CTNNAL1: variants seen among roughly 807,000 people sequenced by gnomAD.
CTNNAL1 encodes the protein alpha-catulin.
In CTNNAL1, 69 loss-of-function variants were observed where a neutral mutation model predicts 93.6. That is an observed-to-expected ratio of 0.74 (90% CI 0.61 to 0.90). The LOEUF is 0.90. CTNNAL1 is among the 40% of genes least tolerant of loss of function. CTNNAL1 has a pLI of 0.00. For missense variants in CTNNAL1, 836 were observed against 862.0 expected, an observed-to-expected ratio of 0.97 and a Z score of 0.38; for synonymous variants, 286 against 305.4, an observed-to-expected ratio of 0.94 and a Z score of 0.66.
chr9:108,971,808 G>A (rs771803519), intron 9 of CTNNAL1, among the ~76,000 whole-genome samples: 2 of 152,124 alleles, frequency 1.3e-5, no homozygotes, highest in Admixed American at 1.3e-4. Flanking sequence ...TAGGCAGAAG[G>A]CTCAGAATAT....
At chr9:109,011,939 C>A (rs1827216621) in intron 1 of CTNNAL1, among the ~76,000 whole-genome samples, 1 of 152,204 alleles carries the variant, frequency 6.6e-6, no homozygotes, top group Non-Finnish European at 1.5e-5. Flanking sequence ...TATCTCTCTG[C>A]CTCTTAAAAC....
Position 108,998,996 on chromosome 9 carries a change from T to C in CTNNAL1, c.331+71A>G, listed in dbSNP as rs367972844. ...GCTGTATATCTTTATTCCAAATAAA[T>C]CAATAATTTTTCATCATAACCAAAG... On this transcript the variant is annotated intron_variant, in intron 2 of 18. Transcript: ENST00000325551. 7 of 1,478,558 alleles carry C rather than the reference T, an allele frequency of 4.7e-6. No homozygotes were observed. The African/African-American group carries it at 5.6e-5, about 12-fold the overall frequency. 91.6% of individuals were successfully genotyped at this position (1,478,558 alleles called of 1,614,324 possible). A position where few individuals can be genotyped will look rare whatever the true frequency, so the allele number is the denominator to read the frequency against.
chr9:108,950,814 G>A, intron 14 of CTNNAL1: 1 of 538,266 alleles, frequency 1.9e-6, no homozygotes, highest in Admixed American at 3.5e-5. Flanking sequence ...GTGTTTTATA[G>A]AGATACATTG....
intron 7 of CTNNAL1, chr9:108,977,560 T>C (rs992945309): frequency 2.6e-5 from 4 of 152,226 alleles, no homozygotes; most frequent in African/African-American, 9.7e-5. Context: ...CAATTACATA[T>C]TTATTTTTTC....
chr9:108,972,857 GGGGTGGGAGGGT>G, intron 8 of CTNNAL1, 24 bp from the exon 9 acceptor site: 3 of 448,404 alleles, frequency 6.7e-6, no homozygotes, highest in Non-Finnish European at 1.2e-5. Context: ...TGTGGGTGGG[GGGGTGGGAGGGT>G]GGAGAAGGAG....
chr9:109,003,593 A>G (rs1826918524), intron 1 of CTNNAL1, among the ~76,000 whole-genome samples: 2 of 152,230 alleles, frequency 1.3e-5, no homozygotes, highest in East Asian at 1.9e-4. Flanking sequence ...TCAGAATACC[A>G]TAAACCAGTG....
intron 1 of CTNNAL1, among the ~76,000 whole-genome samples, chr9:109,005,087 T>G (rs777857260): frequency 6.6e-6 from 1 of 152,146 alleles, no homozygotes; most frequent in African/African-American, 2.4e-5. Flanking sequence ...TCCTATTTTT[T>G]TTAATTGAAA....
chr9:108,985,994 G>C (rs1307491977), intron 4 of CTNNAL1, among the ~76,000 whole-genome samples: 2 of 151,852 alleles, frequency 1.3e-5, no homozygotes, highest in South Asian at 2.1e-4. Context: ...TCCCAGACTT[G>C]GGTAAGGCTG....
intron 1 of CTNNAL1, among the ~76,000 whole-genome samples, chr9:109,012,386 T>C (rs1297218246): frequency 6.6e-6 from 1 of 152,174 alleles, no homozygotes; most frequent in Non-Finnish European, 1.5e-5. Context: ...TTGGTAATCC[T>C]AGTATGAGTC....
intron 7 of CTNNAL1, 21 bp downstream of exon 7, chr9:108,979,260 G>A: frequency 1.2e-6 from 2 of 1,613,350 alleles, no homozygotes; most frequent in East Asian, 2.2e-5. Flanking sequence ...GATTTACTTT[G>A]ATTTTAAAAA....
At position 108,970,408 on chromosome 9, in the gene CTNNAL1, G is replaced by T. The variant is rs1382720244; in HGVS notation, c.1434C>A (p.Gly478=). Residue 478 remains glycine (G), a synonymous_variant, in exon 10 of 19, where the codon GGC becomes GGA. Transcript: ENST00000325551. ...IHAEETFQVT[G]QQIISAAETL... is the part of the protein sequence containing the mutation. ...CAATCTGCTATTATCATACCTGTTG[G>T]CCAGTCACCTGAAATGTCTCCTCTG... 4 of 1,610,816 alleles carry T rather than the reference G, an allele frequency of 2.5e-6. No homozygotes were observed. Among genetic ancestry groups the T allele is most frequent in the Non-Finnish European group, 3.4e-6 (4 of 1,178,766 alleles).
At chr9:108,983,734 A>C (rs1426373297) in intron 5 of CTNNAL1, among the ~76,000 whole-genome samples, 1 of 152,224 alleles carries the variant, frequency 6.6e-6, no homozygotes, top group East Asian at 1.9e-4. Flanking sequence ...GACAAAATAG[A>C]GTCTTCTGAG....
chr9:109,003,993 T>C (rs982397556), intron 1 of CTNNAL1, among the ~76,000 whole-genome samples: 9 of 152,224 alleles, frequency 5.9e-5, no homozygotes, highest in African/African-American at 2.2e-4. Context: ...TAGCTACTTA[T>C]TTCTAACTAA....
At chr9:108,942,897 T>A (rs1830284732) in intron 18 of CTNNAL1, 63 bp from the exon 19 acceptor site, 3 of 1,608,322 alleles carry the variant, frequency 1.9e-6, no homozygotes, top group South Asian at 2.2e-5. Context: ...CAAAATTAAG[T>A]AGTAACTATT....
intron 12 of CTNNAL1, among the ~76,000 whole-genome samples, chr9:108,955,445 A>G (rs1236922332): frequency 6.6e-6 from 1 of 152,220 alleles, no homozygotes; most frequent in Non-Finnish European, 1.5e-5. Context: ...TGATTCCAAC[A>G]TGACTTCTCA....
Position 108,984,383 on chromosome 9 carries a change from A to C in CTNNAL1, c.693T>G (p.Leu231=). Residue 231 remains leucine (L), a synonymous_variant, in exon 5 of 19, where the codon CTT becomes CTG. Transcript: ENST00000325551. ...TGAGAAGCATCATTGTACACTTTTC[A>C]AGAACTGCCCTAGCTGCTGCCATTT... ...KAKMAAARAV[L]EKCTMMLLTA... is the part of the protein sequence containing the mutation. 6.2e-7 allele frequency: 1 copy of C among 1,612,588 alleles called. No homozygotes were observed. The highest frequency in any genetic ancestry group is 8.5e-7 in the Non-Finnish European group (1 of 1,178,888).
At chr9:108,970,602 C>T in intron 9 of CTNNAL1, 108 bp from the exon 10 acceptor site, 3 of 944,528 alleles carry the variant, frequency 3.2e-6, no homozygotes, top group Admixed American at 3.7e-5. Context: ...TTTCTTAAAA[C>T]CTATTAAAAT....
intron 11 of CTNNAL1, 51 bp from the exon 12 acceptor site, chr9:108,955,878 CT>C (rs779484671): frequency 1.9e-5 from 22 of 1,174,666 alleles, no homozygotes; most frequent in Non-Finnish European, 2.4e-6. Flanking sequence ...ATATATTTTT[CT>C]ATTATTCATA....
intron 9 of CTNNAL1, among the ~76,000 whole-genome samples, chr9:108,970,730 T>C (rs961113614): frequency 1.3e-5 from 2 of 152,104 alleles, no homozygotes; most frequent in Non-Finnish European, 2.9e-5. Context: ...TATCCAATCA[T>C]GGCAAGGTGG....
Sources: gnomAD v4.1 joint callset for allele counts (sites outside exome capture counted in the v4.1 genomes callset) on GRCh38, gnomAD v4.1.1 for gene constraint, MANE v1.5 for transcripts, NCBI Gene and HGNC (gene_info 2026-07-23, HGNC 2026-07-21) for gene names.